ADGRV1: variants seen among roughly 807,000 people sequenced by gnomAD.
ADGRV1 encodes adhesion G protein-coupled receptor V1.
Under a neutral mutation model 596.2 loss-of-function variants are expected in ADGRV1, and 359 were observed. The ratio of observed to expected loss-of-function variants is 0.60; its 90% confidence interval spans 0.55 to 0.66. The LOEUF is 0.66. Ranked by LOEUF, ADGRV1 falls within the 30% of genes least tolerant of loss-of-function variation. ADGRV1 has a pLI of 0.00. For synonymous variants in ADGRV1, 2,681 were observed against 2,679.2 expected (o/e 1.00, Z -0.02); for missense variants, 7,274 against 7,575.6 (o/e 0.96, Z 1.48).
At chr5:90,744,556 CTG>C (rs1388930006) in intron 50 of ADGRV1, among the ~76,000 whole-genome samples, 2 of 152,082 alleles carry the variant, frequency 1.3e-5, no homozygotes, top group African/African-American at 2.4e-5. Context: ...GACTTGAAAA[CTG>C]TGTAGAAACA....
chr5:90,953,707 G>A (rs1312928110), intron 83 of ADGRV1, among the ~76,000 whole-genome samples: 1 of 152,052 alleles, frequency 6.6e-6, no homozygotes, highest in Non-Finnish European at 1.5e-5. Context: ...GGTATTTAAT[G>A]TAATTTGAAG....
Position 90,703,716 on chromosome 5 carries a change from T to C in ADGRV1, c.8207T>C (p.Val2736Ala). 1 of 1,605,788 alleles carries C rather than the reference T, an allele frequency of 6.2e-7. No homozygotes were observed. Among genetic ancestry groups the C allele is most frequent in the South Asian group, 1.1e-5 (1 of 89,574 alleles). The change falls in exon 35 of 90, where the codon GTT becomes GCT. Residue 2736 changes from valine (V) to alanine (A), a missense_variant. Val to Ala is a moderately conservative substitution (Grantham distance 64). Transcript: ENST00000405460. ...VIRTFPGRGN[V>A]TVNWKIIGQN... ...AGAACTTTCCCTGGTCGAGGAAATG[T>C]TACTGTTAACTGGAAAATTATTGGG...
chr5:90,721,060 G>A lies in ADGRV1; in HGVS notation c.9748+1G>A. The A allele has an allele frequency of 6.2e-7, 1 of 1,608,712 alleles. No homozygotes were observed. Among genetic ancestry groups the A allele is most frequent in the African/African-American group, 1.3e-5 (1 of 74,820 alleles). ...GTATCTGAAACAGCCTTTGGCATGA[G>A]TATGTTTCATTTCTTATGAGAACAA... On this transcript the variant is annotated splice_donor_variant, in intron 45 of 89. Coordinates refer to ENST00000405460, the MANE Select transcript of ADGRV1 (RefSeq NM_032119.4). LOFTEE classifies it high-confidence loss of function.
chr5:90,756,167 A>G lies in ADGRV1; in HGVS notation c.11581-287A>G, dbSNP rs1307868797. Among the ~76,000 whole-genome samples, 2 of 152,182 alleles carry G rather than the reference A, an allele frequency of 1.3e-5. 1 individual carries two copies. Among genetic ancestry groups the G allele is most frequent in the East Asian group, 3.8e-4 (2 of 5,204 alleles). On this transcript the variant is annotated intron_variant, in intron 55 of 89. Coordinates refer to ENST00000405460, the MANE Select transcript of ADGRV1 (RefSeq NM_032119.4). ...GGATATTAAATATGTAAAACATACA[A>G]TAGAATATGGTCAAAATTTCAGGAT... is the stretch of plus-strand genomic sequence containing the variant.
chr5:91,033,446 T>C (rs1229724412), intron 85 of ADGRV1, among the ~76,000 whole-genome samples: 2 of 152,186 alleles, frequency 1.3e-5, no homozygotes, highest in Non-Finnish European at 2.9e-5. Flanking sequence ...GGATGTCACA[T>C]GTACATGGGA....
chr5:90,574,604 T>C (rs1233856669), intron 1 of ADGRV1, among the ~76,000 whole-genome samples: 1 of 152,206 alleles, frequency 6.6e-6, no homozygotes, highest in Non-Finnish European at 1.5e-5. Flanking sequence ...GCCAGCTTCA[T>C]AGAGTGAGTT....
chr5:90,772,070 C>A (rs12658034), intron 59 of ADGRV1, among the ~76,000 whole-genome samples: 29,529 of 152,024 alleles, frequency 0.19, 3,948 homozygotes, highest in East Asian at 0.46. Context: ...ATATGAAGAG[C>A]TGCCTTACAT....
intron 21 of ADGRV1, among the ~76,000 whole-genome samples, chr5:90,667,982 T>G (rs1052492271): frequency 6.6e-6 from 1 of 151,946 alleles, no homozygotes; most frequent in Non-Finnish European, 1.5e-5. Flanking sequence ...GATCTCCAGC[T>G]GCGTACTGGG....
intron 50 of ADGRV1, among the ~76,000 whole-genome samples, chr5:90,742,597 C>T (rs2149895824): frequency 6.6e-6 from 1 of 152,038 alleles, no homozygotes; most frequent in East Asian, 1.9e-4. Flanking sequence ...GAGAGATGGG[C>T]AGAGAGAAAG....
chr5:91,047,679 CTTTG>C (rs1234016362), intron 85 of ADGRV1, among the ~76,000 whole-genome samples: 6 of 152,300 alleles, frequency 3.9e-5, no homozygotes, highest in Middle Eastern at 3.4e-3. Context: ...AATAACAATA[CTTTG>C]ATCCTTCAAA....
intron 58 of ADGRV1, 37 bp downstream of exon 58, chr5:90,759,625 G>C (rs767888683): frequency 1.3e-6 from 2 of 1,571,086 alleles, no homozygotes; most frequent in Non-Finnish European, 8.7e-7. Flanking sequence ...CTTGTTTCAG[G>C]CTAGCGTTTC....
rs202054664 is a variant in ADGRV1, at chr5:90,774,070, C to CA, written c.12286-110dup. 6.9e-3 allele frequency: 3,038 copies of CA among 438,728 alleles called. 19 individuals are homozygous for CA. Among genetic ancestry groups the CA allele is most frequent in the Middle Eastern group, 0.016 (53 of 3,232 alleles). 27.2% of individuals were successfully genotyped at this position (438,728 alleles called of 1,614,324 possible). A position where few individuals can be genotyped will look rare whatever the true frequency, so the allele number is the denominator to read the frequency against. The stretch of plus-strand genomic sequence containing the variant: ...TAGCTGCAACTCGTAATTCTAGTGA[C>CA]AAAAAAGACACCCTTAAAAATGATT... On this transcript the variant is annotated intron_variant, in intron 59 of 89. Transcript: ENST00000405460.
At chr5:90,775,611 G>C (rs1247576320) in intron 60 of ADGRV1, among the ~76,000 whole-genome samples, 1 of 152,118 alleles carries the variant, frequency 6.6e-6, no homozygotes, top group Non-Finnish European at 1.5e-5. Context: ...TGAGTAGCTA[G>C]GACTACAGGC....
chr5:91,031,352 C>T, intron 85 of ADGRV1: 1 of 1,252,218 alleles, frequency 8.0e-7, no homozygotes, highest in Non-Finnish European at 1.2e-6. Flanking sequence ...TCCAATCTAT[C>T]TCATCCGCTG....
At chr5:90,644,191 A>G (rs1434078953) in intron 14 of ADGRV1, among the ~76,000 whole-genome samples, 1 of 152,204 alleles carries the variant, frequency 6.6e-6, no homozygotes, top group Non-Finnish European at 1.5e-5. Context: ...GACTTCAGTT[A>G]TATTTTGATA....
At chr5:90,794,100 C>T (rs1760388691) in intron 70 of ADGRV1, among the ~76,000 whole-genome samples, 1 of 152,178 alleles carries the variant, frequency 6.6e-6, no homozygotes, top group South Asian at 2.1e-4. Context: ...ACATCCTGTC[C>T]TCCCTCTTCT....
Position 90,685,846 on chromosome 5 carries a change from A to T in ADGRV1, c.6341A>T (p.Asp2114Val), listed in dbSNP as rs1213761562. 6.2e-7 allele frequency: 1 copy of T among 1,612,382 alleles called. No homozygotes were observed. The highest frequency in any genetic ancestry group is 8.5e-7 in the Non-Finnish European group (1 of 1,178,964). Residue 2114 changes from aspartate to valine, a missense_variant, in exon 29 of 90, where the codon GAT becomes GTT. By Grantham distance (152) the Asp-to-Val change is radical. This residue lies in a region of ADGRV1 where 3,643 missense variants were observed against 3,809.2 expected (regional missense o/e 0.96). Transcript: ENST00000405460. ...TIAQLIIIAN[D>V]DAFGTLQLSA... Reference sequence around the variant, plus strand: ...GCGCAACTAATTATCATTGCCAATGATGATGCATTTGGAACTCTTCAGCTC... The same window carrying T: ...GCGCAACTAATTATCATTGCCAATGTTGATGCATTTGGAACTCTTCAGCTC...
chr5:90,745,110 AT>A lies in ADGRV1; in HGVS notation c.10616del (p.Phe3539SerfsTer18). The A allele has an allele frequency of 1.9e-6, 3 of 1,613,798 alleles. No individual in the cohort carries two copies. The highest frequency in any genetic ancestry group is 2.5e-6 in the Non-Finnish European group (3 of 1,179,798). ...ACTGCTGGAATTCGGAGCGTAATCAATTCTCTTTTGTTCTGGAAGTACCTTC... is the reference window on the plus strand; with the variant it reads ...ACTGCTGGAATTCGGAGCGTAATCAATCTCTTTTGTTCTGGAAGTACCTTC... ...LYCWNSERNQ[F>X]SFVLEVPSAY... On this transcript the variant is annotated frameshift_variant, in exon 51 of 90. Coordinates refer to ENST00000405460, the MANE Select transcript of ADGRV1 (RefSeq NM_032119.4). LOFTEE classifies it high-confidence loss of function.
intron 1 of ADGRV1, among the ~76,000 whole-genome samples, chr5:90,587,565 T>C (rs114411395): frequency 0.18 from 27,393 of 150,734 alleles, 2,670 homozygotes; most frequent in East Asian, 0.4. Flanking sequence ...CTTTTTTTTT[T>C]TTTTTTTTTT....
Sources: allele counts gnomAD v4.1 joint callset (sites outside exome capture counted in the v4.1 genomes callset), GRCh38; gene constraint gnomAD v4.1.1; regional missense constraint gnomAD v4.1.1; transcripts MANE v1.5; gene names NCBI Gene and HGNC (gene_info 2026-07-23, HGNC 2026-07-21).